Variants in TLL1 observed in about 807,000 individuals in gnomAD.
The protein encoded by TLL1 is tolloid-like protein 1.
Under a neutral mutation model 128.2 loss-of-function variants are expected in TLL1, and 49 were observed. The ratio of observed to expected loss-of-function variants is 0.38; its 90% CI spans 0.30 to 0.48. The LOEUF (loss-of-function observed/expected upper bound fraction) is 0.48, where lower values mean the gene tolerates loss of function less well. Ranked by LOEUF, TLL1 falls within the 20% of genes least tolerant of loss-of-function variation. The probability of loss-of-function intolerance (pLI) is 0.96; values close to 1 mark genes in which losing one functional copy is unlikely to be tolerated. For missense variants in TLL1, 1,123 were observed against 1,242.0 expected (o/e 0.90, Z 1.44); for synonymous variants, 454 against 418.8 (o/e 1.08, Z -1.03).
At chr4:166,051,922 A>G (rs1290591232) in intron 12 of TLL1, among the ~76,000 whole-genome samples, 8 of 152,276 alleles carry the variant, frequency 5.3e-5, no homozygotes, top group Admixed American at 3.3e-4. Context: ...TTAACCCTAT[A>G]ATTAGCTATT....
chr4:166,069,060 A>G (rs1314520217), intron 16 of TLL1, among the ~76,000 whole-genome samples: 2 of 151,836 alleles, frequency 1.3e-5, no homozygotes, highest in Non-Finnish European at 2.9e-5. Flanking sequence ...ATATAAAAGA[A>G]AAAACTCCTA....
At chr4:166,091,085 AT>A in intron 18 of TLL1, 42 bp from the exon 19 acceptor site, 2 of 1,413,108 alleles carry the variant, frequency 1.4e-6, no homozygotes, top group South Asian at 1.2e-5. Flanking sequence ...ATTTTGAGTG[AT>A]TTGTTTTTTT....
At chr4:166,017,351 A>G (rs990433811) in intron 8 of TLL1, among the ~76,000 whole-genome samples, 1 of 152,132 alleles carries the variant, frequency 6.6e-6, no homozygotes, top group Admixed American at 6.6e-5. Context: ...ATGGACATCC[A>G]GGTTGATTCC....
At chr4:165,994,599 A>G (rs1211803388) in intron 4 of TLL1, 66 bp downstream of exon 4, 2 of 1,565,284 alleles carry the variant, frequency 1.3e-6, no homozygotes, top group African/African-American at 2.7e-5. Flanking sequence ...TTAAGTGTCT[A>G]TTTTTATAGA....
intron 9 of TLL1, among the ~76,000 whole-genome samples, chr4:166,026,646 C>T (rs1427289579): frequency 6.6e-6 from 1 of 151,728 alleles, no homozygotes; most frequent in Non-Finnish European, 1.5e-5. Context: ...GAGATGGCGC[C>T]GTTGCACTGC....
intron 8 of TLL1, among the ~76,000 whole-genome samples, chr4:166,019,828 G>A (rs1433061017): frequency 6.6e-6 from 1 of 151,904 alleles, no homozygotes; most frequent in Non-Finnish European, 1.5e-5. Context: ...TAAATACCTT[G>A]TAATACATTC....
rs79406375 is a variant in TLL1, at chr4:165,963,592, T to G, written c.170-25789T>G. On this transcript the variant is annotated intron_variant, in intron 1 of 20. Transcript: ENST00000061240. The stretch of plus-strand genomic sequence containing the variant: ...GATTTTTTAATTGAGAATTGAAGAA[T>G]AATAAATTAACAAGAAAAGGTAATC... Among the ~76,000 whole-genome samples the G allele has an allele frequency of 2.3e-3, 348 of 152,174 alleles. 6 individuals are homozygous for G. The East Asian group carries it at 0.043, about 19-fold the overall frequency.
intron 15 of TLL1, among the ~76,000 whole-genome samples, chr4:166,060,485 A>C (rs1488557469): frequency 6.6e-6 from 1 of 152,154 alleles, no homozygotes; most frequent in Non-Finnish European, 1.5e-5. Context: ...TTCATGTCAC[A>C]TAGACACTTC....
At chr4:166,061,433 C>T (rs1355426921) in intron 15 of TLL1, among the ~76,000 whole-genome samples, 8 of 151,714 alleles carry the variant, frequency 5.3e-5, no homozygotes, top group Admixed American at 1.3e-4. Flanking sequence ...TTAGTAGAGA[C>T]GGGGTTTCAC....
At chr4:165,906,827 GTTTT>G (rs372917139) in intron 1 of TLL1, among the ~76,000 whole-genome samples, 1 of 114,224 alleles carries the variant, frequency 8.8e-6, no homozygotes, top group Non-Finnish European at 1.9e-5. Flanking sequence ...TATTTCTCCA[GTTTT>G]TTTTTTTTTT....
chr4:165,888,283 A>T (rs1453857703), intron 1 of TLL1, among the ~76,000 whole-genome samples: 1 of 152,124 alleles, frequency 6.6e-6, no homozygotes, highest in African/African-American at 2.4e-5. Context: ...ACTTTTTATC[A>T]AATTAGGAAT....
At chr4:165,948,603 C>G (rs182770521) in intron 1 of TLL1, among the ~76,000 whole-genome samples, 2 of 152,250 alleles carry the variant, frequency 1.3e-5, no homozygotes, top group East Asian at 3.9e-4. Flanking sequence ...AGTGCAGGGC[C>G]TCACATGGTG....
chr4:165,874,077 A>C lies in TLL1; in HGVS notation c.169+4A>C. ...TACAAGGACCCGTGTAAAGCCGGTA[A>C]GTGGCTCTCCAGGTTGGGACGGTGG... On this transcript the variant is annotated splice_donor_region_variant and intron_variant, in intron 1 of 20. Coordinates refer to ENST00000061240, the MANE Select transcript of TLL1 (RefSeq NM_012464.5). The C allele has an allele frequency of 6.2e-7, 1 of 1,614,080 alleles. No homozygotes were observed.
At chr4:166,015,924 G>C (rs1737919201) in intron 8 of TLL1, among the ~76,000 whole-genome samples, 1 of 151,278 alleles carries the variant, frequency 6.6e-6, no homozygotes, top group Admixed American at 6.6e-5. Context: ...AGTTTTAAAA[G>C]GGCCAGTTGA....
intron 6 of TLL1, among the ~76,000 whole-genome samples, chr4:166,006,399 G>C (rs1184646944): frequency 6.6e-6 from 1 of 151,802 alleles, no homozygotes; most frequent in East Asian, 1.9e-4. Flanking sequence ...AAGTTCTCAA[G>C]TTAGATGCAT....
chr4:165,936,373 C>G (rs1733765643), intron 1 of TLL1, among the ~76,000 whole-genome samples: 1 of 151,348 alleles, frequency 6.6e-6, no homozygotes, highest in South Asian at 2.1e-4. Context: ...GCATGCGCCA[C>G]CATGTCTGGC....
chr4:166,014,181 A>G (rs556916869), intron 7 of TLL1, among the ~76,000 whole-genome samples: 1 of 152,046 alleles, frequency 6.6e-6, no homozygotes, highest in South Asian at 2.1e-4. Flanking sequence ...AAGGTATTCC[A>G]TATTTTTAAG....
chr4:165,896,399 G>A (rs1157181458), intron 1 of TLL1, among the ~76,000 whole-genome samples: 3 of 151,956 alleles, frequency 2.0e-5, no homozygotes, highest in African/African-American at 7.2e-5. Flanking sequence ...ACATACGTGT[G>A]CATGTGTCTT....
In TLL1 at chr4:166,041,270, T is replaced by C. The variant is rs147725845; in HGVS notation, c.1262-757T>C. 2.2e-4 allele frequency among the ~76,000 whole-genome samples: 34 copies of C among 151,702 alleles called. No homozygotes were observed. The East Asian group carries it at 6.4e-3, about 29-fold the overall frequency. On this transcript the variant is annotated intron_variant, in intron 10 of 20. Transcript: ENST00000061240. ...ACCTAGGTGAATAAAGAACTCCACT[T>C]TGAGCTGAGAGCACATTCTTTCTTT...
Sources: gnomAD v4.1 joint callset for allele counts (sites outside exome capture counted in the v4.1 genomes callset) on GRCh38, gnomAD v4.1.1 for gene constraint, MANE v1.5 for transcripts, NCBI Gene and HGNC (gene_info 2026-07-23, HGNC 2026-07-21) for gene names.